The following MTCH2 variants were observed in gnomAD, a reference collection of about 807,000 sequenced individuals.
The protein encoded by MTCH2 is mitochondrial carrier 2.
A neutral mutation model predicts 50.6 loss-of-function variants in MTCH2; 25 were observed. The observed-to-expected ratio is 0.49, with a 90% CI of 0.36 to 0.69. MTCH2 has a LOEUF of 0.69. Ranked by LOEUF, MTCH2 falls within the 30% of genes least tolerant of loss-of-function variation. MTCH2 has a pLI of 0.00. For synonymous variants in MTCH2, 106 were observed against 132.0 expected (o/e 0.80, Z 1.35); for missense variants, 273 against 384.4 (o/e 0.71, Z 2.42).
At chr11:47,629,666 A>G (rs1216213750) in intron 8 of MTCH2, among the ~76,000 whole-genome samples, 2 of 152,120 alleles carry the variant, frequency 1.3e-5, no homozygotes, top group East Asian at 1.9e-4. Context: ...TTTAATCTCT[A>G]AAGTGATACT....
chr11:47,625,422 C>CA (rs113436646), intron 11 of MTCH2, among the ~76,000 whole-genome samples: 2 of 89,440 alleles, frequency 2.2e-5, no homozygotes, highest in Admixed American at 1.1e-4. Flanking sequence ...GACTCCATCT[C>CA]AAAAAAAAAA....
chr11:47,635,333 C>T (rs999087856), intron 4 of MTCH2, among the ~76,000 whole-genome samples: 1 of 152,106 alleles, frequency 6.6e-6, no homozygotes. Flanking sequence ...CCTTGGCCTC[C>T]GAAACTGCTA....
At chr11:47,614,435 C>T (rs1413008020), downstream of MTCH2, among the ~76,000 whole-genome samples, 2 of 152,190 alleles carry the variant, frequency 1.3e-5, no homozygotes, top group Non-Finnish European at 2.9e-5. Context: ...AAAATGACCA[C>T]CTACAATTAC....
At chr11:47,609,046 C>T in the MTCH2 span, among the ~76,000 whole-genome samples, 1 of 125,340 alleles carries the variant, frequency 8.0e-6, no homozygotes, top group Non-Finnish European at 1.6e-5. Context: ...AATCCTTGAA[C>T]TTGGGGGGCG....
rs148931738 is a variant in MTCH2 at position 47,624,943 on chromosome 11, C to A, written c.749+731G>T. ...TCTCTACTAAAAATGCAAAAATTAG[C>A]CCAGCATGGTGGCACATGCCTGTAA... On this transcript the variant is annotated intron_variant, in intron 11 of 12. Coordinates refer to ENST00000302503, the MANE Select transcript of MTCH2 (RefSeq NM_014342.4). 3.5e-3 allele frequency among the ~76,000 whole-genome samples: 539 copies of A among 151,916 alleles called. 3 individuals are homozygous for A. Among genetic ancestry groups the A allele is most frequent in the African/African-American group, 0.013 (524 of 41,424 alleles).
At chr11:47,632,018 G>A (rs1290794303) in intron 5 of MTCH2, among the ~76,000 whole-genome samples, 1 of 152,054 alleles carries the variant, frequency 6.6e-6, no homozygotes, top group Admixed American at 6.6e-5. Context: ...AACAGGAAAG[G>A]TCACCAACAA....
chr11:47,638,660 G>T, intron 3 of MTCH2, 39 bp downstream of exon 3: 2 of 1,267,886 alleles, frequency 1.6e-6, no homozygotes, highest in Non-Finnish European at 2.1e-6. Flanking sequence ...TAACAGGTAA[G>T]CAACATCTAT....
At chr11:47,605,619 G>A in the MTCH2 span, among the ~76,000 whole-genome samples, 1 of 152,214 alleles carries the variant, frequency 6.6e-6, no homozygotes, top group Non-Finnish European at 1.5e-5. Context: ...GGGTCTAGGA[G>A]CACAGAACTA....
chr11:47,630,274 T>C (rs531314210), intron 8 of MTCH2, among the ~76,000 whole-genome samples: 3 of 152,324 alleles, frequency 2.0e-5, no homozygotes, highest in African/African-American at 7.2e-5. Context: ...CTCAAAGTGC[T>C]GGGATTACAG....
intron 6 of MTCH2, 112 bp downstream of exon 6, chr11:47,631,542 C>T: frequency 9.8e-7 from 1 of 1,023,108 alleles, no homozygotes; most frequent in Non-Finnish European, 1.5e-6. Flanking sequence ...AACAAGCAAG[C>T]AAACAAAAAC....
At chr11:47,630,925 T>C in intron 7 of MTCH2, 111 bp downstream of exon 7, 1 of 926,780 alleles carries the variant, frequency 1.1e-6, no homozygotes, top group East Asian at 2.5e-5. Flanking sequence ...TGACATCAGA[T>C]ACGAATTTGT....
chr11:47,626,656 A>C (rs2097298497), intron 10 of MTCH2, among the ~76,000 whole-genome samples: 1 of 151,818 alleles, frequency 6.6e-6, no homozygotes, highest in South Asian at 2.1e-4. Context: ...TCTGTCGCCC[A>C]GGCCGAAGTG....
At chr11:47,625,541 T>TC in intron 11 of MTCH2, 133 bp downstream of exon 11, 8 of 674,904 alleles carry the variant, frequency 1.2e-5, no homozygotes, top group African/African-American at 1.8e-5. Context: ...ATACTTTTCC[T>TC]CCCCCCCTTT....
chr11:47,619,530 C>T (rs1332911469), intron 12 of MTCH2, among the ~76,000 whole-genome samples: 3 of 152,016 alleles, frequency 2.0e-5, no homozygotes, highest in Admixed American at 6.6e-5. Context: ...CCACCATACC[C>T]GGCCTATTTA....
intron 5 of MTCH2, among the ~76,000 whole-genome samples, chr11:47,633,934 G>C (rs1475386764): frequency 6.6e-6 from 1 of 152,144 alleles, no homozygotes; most frequent in Non-Finnish European, 1.5e-5. Flanking sequence ...TAAGAGAATA[G>C]TTCTGAAAGC....
intron 11 of MTCH2, among the ~76,000 whole-genome samples, chr11:47,625,437 T>A (rs5791773): frequency 0.038 from 864 of 22,606 alleles, 49 homozygotes; most frequent in East Asian, 0.06. Context: ...AAAAAAAAAA[T>A]AATAATAATA....
In MTCH2 at chr11:47,642,497, C is replaced by T. The variant is rs745567908; in HGVS notation, c.-32G>A. 23 of 1,508,152 alleles carry T rather than the reference C, an allele frequency of 1.5e-5. No individual in the cohort carries two copies. In the East Asian group the frequency reaches 3.9e-4, roughly 25 times the overall value. 93.4% of individuals were successfully genotyped at this position (1,508,152 alleles called of 1,614,324 possible). A position where few individuals can be genotyped will look rare whatever the true frequency, so the allele number is the denominator to read the frequency against. ...ACCCGCGGGCGGACGGACAGACAGA[C>T]GGAGCCACCAAGCGACCCGGTGAGC... On this transcript the variant is annotated 5_prime_UTR_variant, in exon 1 of 13. Transcript: ENST00000302503.
intron 9 of MTCH2, 84 bp from the exon 10 acceptor site, chr11:47,627,211 C>CT: frequency 9.0e-7 from 1 of 1,112,910 alleles, no homozygotes; most frequent in Non-Finnish European, 1.3e-6. Flanking sequence ...CTTTTCTTTT[C>CT]TTTTTTTCTT....
rs371228601 is a variant in MTCH2, at chr11:47,631,333, C to T, written c.428-246G>A. ...CTGAGACAGGAGTACTGCTTGAACCCGGAAGGCTGAGGTTGCAGTGAGCCA... is the reference window on the plus strand; with the variant it reads ...CTGAGACAGGAGTACTGCTTGAACCTGGAAGGCTGAGGTTGCAGTGAGCCA... On this transcript the variant is annotated intron_variant, in intron 6 of 12. Transcript: ENST00000302503. Among the ~76,000 whole-genome samples, 227 of 152,196 alleles carry T rather than the reference C, an allele frequency of 1.5e-3. 5 individuals are homozygous for T. The South Asian group carries it at 0.045, about 30-fold the overall frequency.
Sources: allele counts gnomAD v4.1 joint callset (sites outside exome capture counted in the v4.1 genomes callset), GRCh38; gene constraint gnomAD v4.1.1; transcripts MANE v1.5; gene names NCBI Gene and HGNC (gene_info 2026-07-23, HGNC 2026-07-21).